Variants in GPHN observed in about 807,000 individuals in gnomAD.
The protein encoded by GPHN is gephyrin.
Under a neutral mutation model 95.5 loss-of-function variants are expected in GPHN, and 17 were observed. The ratio of observed to expected loss-of-function variants is 0.18; its 90% CI spans 0.12 to 0.27. The LOEUF (loss-of-function observed/expected upper bound fraction) is 0.27, where lower values mean the gene tolerates loss of function less well. GPHN is among the 10% of genes least tolerant of loss of function. The pLI, the probability that GPHN is intolerant of heterozygous loss-of-function variation, is 1.00. For missense variants in GPHN, 660 were observed against 978.1 expected (o/e 0.67, Z 4.34); for synonymous variants, 320 against 322.5 (o/e 0.99, Z 0.08).
At chr14:66,856,799 A>G (rs1297106656) in intron 4 of GPHN, among the ~76,000 whole-genome samples, 1 of 152,110 alleles carries the variant, frequency 6.6e-6, no homozygotes, top group African/African-American at 2.4e-5. Context: ...GAATTCAAGA[A>G]CGGTAAATTT....
At chr14:67,721,218 A>T in the GPHN span, among the ~76,000 whole-genome samples, 1 of 152,328 alleles carries the variant, frequency 6.6e-6, no homozygotes, top group South Asian at 2.1e-4. Context: ...GTCCTGTCCC[A>T]GCTCCTTGTC....
chr14:67,010,267 T>C (rs1377959213), intron 9 of GPHN, among the ~76,000 whole-genome samples: 2 of 150,114 alleles, frequency 1.3e-5, no homozygotes, highest in Non-Finnish European at 3.0e-5. Flanking sequence ...AAATCAAGAA[T>C]AGGCCGGGCG....
rs141789753 is a variant in GPHN, at chr14:67,034,806, G to A, written c.1006+11131G>A. 4.2e-3 allele frequency among the ~76,000 whole-genome samples: 633 copies of A among 152,100 alleles called. 1 individual carries two copies. The highest frequency in any genetic ancestry group is 7.3e-3 in the Non-Finnish European group (494 of 67,920). On this transcript the variant is annotated intron_variant, in intron 10 of 22. Transcript: ENST00000478722. ...GAAGTAAACATTGACAGGCGTGAAG[G>A]GAGAATAGACAATAACACAATAATG...
At chr14:67,066,967 C>T (rs901878446) in intron 11 of GPHN, among the ~76,000 whole-genome samples, 2 of 152,188 alleles carry the variant, frequency 1.3e-5, no homozygotes, top group Non-Finnish European at 2.9e-5. Context: ...TAGCTTTGTT[C>T]CATTGCTGGT....
chr14:66,682,953 T>C (rs992533821), intron 2 of GPHN, among the ~76,000 whole-genome samples: 1 of 152,098 alleles, frequency 6.6e-6, no homozygotes, highest in Admixed American at 6.6e-5. Flanking sequence ...TCCTGGAATG[T>C]AGAATAACAT....
intron 4 of GPHN, among the ~76,000 whole-genome samples, chr14:66,869,069 CTA>C (rs1254771506): frequency 3.3e-5 from 5 of 152,080 alleles, no homozygotes; most frequent in Admixed American, 3.3e-4. Flanking sequence ...TGAAGTAAGA[CTA>C]TAAATTTCTA....
Position 66,508,163 on chromosome 14 carries a change from T to A in GPHN, c.-365T>A. ...GTGTGCTATCCTTTCCTCTCAGTCCTGCCATCTAGCTGCCTTGGGTCTCGC... is the reference window on the plus strand; with the variant it reads ...GTGTGCTATCCTTTCCTCTCAGTCCAGCCATCTAGCTGCCTTGGGTCTCGC... On this transcript the variant is annotated 5_prime_UTR_variant, in exon 1 of 23. Transcript: ENST00000478722. 5 of 466,512 alleles carry A rather than the reference T, an allele frequency of 1.1e-5. No individual in the cohort carries two copies. In the Middle Eastern group the frequency reaches 2.4e-3, roughly 224 times the overall value. The allele number at this position is 466,512 out of a possible 1,614,324, so 28.9% of individuals were successfully genotyped here. A position where few individuals can be genotyped will look rare whatever the true frequency, so the allele number is the denominator to read the frequency against.
chr14:67,265,023 G>A, the GPHN span, among the ~76,000 whole-genome samples: 2 of 151,940 alleles, frequency 1.3e-5, no homozygotes, highest in Non-Finnish European at 1.5e-5. Context: ...AAATCTTACT[G>A]GGTTTTTACT....
chr14:67,464,005 A>C, the GPHN span, among the ~76,000 whole-genome samples: 1 of 152,124 alleles, frequency 6.6e-6, no homozygotes, highest in Admixed American at 6.6e-5. Context: ...TAGCTTCAGG[A>C]GGGCCTCAAC....
At position 67,082,196 on chromosome 14, in the gene GPHN, G is replaced by A. The variant is rs373228347; in HGVS notation, c.1145-6787G>A. On this transcript the variant is annotated intron_variant, in intron 11 of 22. Transcript: ENST00000478722. ...TTTGTACATTGCTTTTGGCAGTGTG[G>A]TCATTTTCACAATATTGATTCTACC... is the stretch of plus-strand genomic sequence containing the variant. 4.1e-4 allele frequency among the ~76,000 whole-genome samples: 62 copies of A among 152,224 alleles called. 1 individual carries two copies. In the East Asian group the frequency reaches 9.1e-3, roughly 22 times the overall value.
At chr14:67,580,879 C>T in the GPHN span, 5 of 1,126,460 alleles carry the variant, frequency 4.4e-6, no homozygotes, top group Non-Finnish European at 5.4e-6. Context: ...CTGGCTGGAC[C>T]TTGATCCCTT....
intron 11 of GPHN, among the ~76,000 whole-genome samples, chr14:67,076,762 A>T (rs1263377179): frequency 3.9e-5 from 6 of 152,192 alleles, no homozygotes; most frequent in Non-Finnish European, 7.3e-5. Context: ...TCAATAGCAG[A>T]TGGATTTATG....
At chr14:66,563,454 C>G (rs1160589058) in intron 1 of GPHN, among the ~76,000 whole-genome samples, 2 of 152,032 alleles carry the variant, frequency 1.3e-5, no homozygotes, top group Non-Finnish European at 2.9e-5. Flanking sequence ...ACTCCTTTTC[C>G]TTTTAGCTCT....
At chr14:67,719,975 G>A in the GPHN span, among the ~76,000 whole-genome samples, 4 of 152,178 alleles carry the variant, frequency 2.6e-5, no homozygotes, top group Non-Finnish European at 4.4e-5. Flanking sequence ...TTAGGTGAAT[G>A]AGTGCATGCA....
intron 10 of GPHN, among the ~76,000 whole-genome samples, chr14:67,036,214 G>T: frequency 6.7e-6 from 1 of 150,246 alleles, no homozygotes; most frequent in Non-Finnish European, 1.5e-5. Flanking sequence ...AGAAACAGAA[G>T]GAAATTACCT....
At chr14:67,345,421 G>T in the GPHN span, among the ~76,000 whole-genome samples, 4 of 151,918 alleles carry the variant, frequency 2.6e-5, no homozygotes, top group African/African-American at 9.7e-5. Flanking sequence ...GCCAGGCATG[G>T]TGGCACATGT....
At chr14:67,281,171 A>G in the GPHN span, among the ~76,000 whole-genome samples, 1 of 151,896 alleles carries the variant, frequency 6.6e-6, no homozygotes, top group Non-Finnish European at 1.5e-5. Context: ...TGCTGGGATT[A>G]CAGGTGTGAG....
At chr14:66,958,325 A>G (rs567832376) in intron 8 of GPHN, among the ~76,000 whole-genome samples, 8 of 152,278 alleles carry the variant, frequency 5.3e-5, no homozygotes, top group Admixed American at 1.3e-4. Flanking sequence ...TACAGCTCCC[A>G]TAGAATATCT....
chr14:66,607,602 T>C (rs2062595474), intron 1 of GPHN, among the ~76,000 whole-genome samples: 1 of 152,024 alleles, frequency 6.6e-6, no homozygotes, highest in African/African-American at 2.4e-5. Flanking sequence ...GTATGCCTGG[T>C]AGAATTCAGT....
Sources: allele counts gnomAD v4.1 joint callset (sites outside exome capture counted in the v4.1 genomes callset), GRCh38; gene constraint gnomAD v4.1.1; transcripts MANE v1.5; gene names NCBI Gene and HGNC (gene_info 2026-07-23, HGNC 2026-07-21).